Variants in METTL27 observed in about 807,000 individuals in gnomAD.
METTL27 encodes methyltransferase-like protein 27.
Under a neutral mutation model 24.5 loss-of-function variants are expected in METTL27, and 29 were observed. That is an observed-to-expected ratio of 1.18 (90% confidence interval 0.88 to 1.61). The LOEUF (loss-of-function observed/expected upper bound fraction) is 1.61, where lower values mean the gene tolerates loss of function less well. METTL27 is among the 40% of genes most tolerant of loss of function. The pLI is 0.00. For synonymous variants in METTL27, 138 were observed against 146.8 expected, an observed-to-expected ratio of 0.94 and a Z score of 0.43; for missense variants, 341 against 324.3, an observed-to-expected ratio of 1.05 and a Z score of -0.40.
rs201880566 is a variant in METTL27 at position 73,840,080 on chromosome 7, G to A, written c.429C>T (p.Asp143=). The part of the protein sequence containing the change: ...DAVLIVGALS[D]GQVPCNAIPE... ...GTATCGCATTGCAGGGCACCTGGCC[G>A]TCACTGAGGGCACCGACTATCAGCA... The change falls in exon 5 of 6, where the codon GAC becomes GAT. Residue 143 remains aspartate (D), a synonymous_variant. Coordinates refer to ENST00000297873, the MANE Select transcript of METTL27 (RefSeq NM_152559.3). The A allele has an allele frequency of 2.7e-5, 43 of 1,607,358 alleles. No homozygotes were observed. The highest frequency in any genetic ancestry group is 4.5e-5 in the East Asian group (2 of 44,256).
At chr7:73,841,635 G>C (rs1788359320) in intron 2 of METTL27, among the ~76,000 whole-genome samples, 1 of 152,054 alleles carries the variant, frequency 6.6e-6, no homozygotes, top group African/African-American at 2.4e-5. Context: ...CACCACGTGG[G>C]CCTGGCTAAT....
chr7:73,835,977 C>G (rs1788171323), intron 5 of METTL27, among the ~76,000 whole-genome samples: 1 of 133,046 alleles, frequency 7.5e-6, no homozygotes, highest in Non-Finnish European at 1.6e-5. Context: ...CTCCGCCTGG[C>G]AGCCGCCCCG....
chr7:73,841,344 A>C (rs1437741924), intron 2 of METTL27, 146 bp from the exon 3 acceptor site: 1 of 1,244,160 alleles, frequency 8.0e-7, no homozygotes, highest in East Asian at 3.1e-5. Context: ...ACGCCCAGGC[A>C]TGAGGTGCTT....
intron 5 of METTL27, among the ~76,000 whole-genome samples, chr7:73,837,310 A>AAT (rs1554635495): frequency 1.9e-4 from 14 of 75,594 alleles, no homozygotes; most frequent in African/African-American, 5.0e-4. Flanking sequence ...AATAAATTTA[A>AAT]AAAAAATAAA....
chr7:73,840,224 C>A, intron 4 of METTL27, 104 bp from the exon 5 acceptor site: 1 of 1,462,742 alleles, frequency 6.8e-7, no homozygotes, highest in South Asian at 1.3e-5. Context: ...AGGCTACTAC[C>A]CGCATCTGCA....
intron 2 of METTL27, 90 bp from the exon 3 acceptor site, chr7:73,841,288 G>A (rs1554636416): frequency 1.0e-5 from 15 of 1,485,574 alleles, no homozygotes; most frequent in African/African-American, 1.5e-5. Flanking sequence ...GCCAGGCTAA[G>A]CTGTGTGTGT....
At chr7:73,838,367 GGTAT>G (rs1240484636) in intron 5 of METTL27, among the ~76,000 whole-genome samples, 1 of 152,166 alleles carries the variant, frequency 6.6e-6, no homozygotes, top group Non-Finnish European at 1.5e-5. Context: ...CAGGAAGGCT[GGTAT>G]GTGTGTTTGA....
chr7:73,841,703 C>T (rs1004720937), intron 2 of METTL27, among the ~76,000 whole-genome samples: 1 of 152,138 alleles, frequency 6.6e-6, no homozygotes, highest in Admixed American at 6.5e-5. Flanking sequence ...GTCTCGAACT[C>T]CTGACCTCAG....
chr7:73,834,679 C>G lies in METTL27; in HGVS notation c.*64G>C, dbSNP rs974531817. 3 of 1,475,222 alleles carry G rather than the reference C, an allele frequency of 2.0e-6. No homozygotes were observed. The highest frequency in any genetic ancestry group is 3.9e-5 in the Admixed American group (2 of 51,648). The allele number at this position is 1,475,222 out of a possible 1,614,324, so 91.4% of individuals were successfully genotyped here. A position where few individuals can be genotyped will look rare whatever the true frequency, so the allele number is the denominator to read the frequency against. On this transcript the variant is annotated 3_prime_UTR_variant, in exon 6 of 6. Transcript: ENST00000297873. ...TTTTACAGGGGAGGCAGAGGAGGCC[C>G]AGCAGATGGGCCCAGCTAAGGCCAC... is the stretch of plus-strand genomic sequence containing the variant.
rs1554636573 is a variant in METTL27, at chr7:73,842,066, C to T, written c.75G>A (p.Leu25=). 1 of 1,614,052 alleles carries T rather than the reference C, an allele frequency of 6.2e-7. No individual in the cohort carries two copies. Among genetic ancestry groups the T allele is most frequent in the Non-Finnish European group, 8.5e-7 (1 of 1,179,966 alleles). ...GGTCATAGAAATGGAGCTTTTGGGCCAGGTCGGGGATGCCATGCGCGGCCC... is the reference window on the plus strand; with the variant it reads ...GGTCATAGAAATGGAGCTTTTGGGCTAGGTCGGGGATGCCATGCGCGGCCC... ...RVRAAHGIPD[L]AQKLHFYDRW... The change falls in exon 2 of 6, where the codon CTG becomes CTA. Residue 25 remains leucine, a synonymous_variant. Coordinates refer to ENST00000297873, the MANE Select transcript of METTL27 (RefSeq NM_152559.3).
At position 73,834,857 on chromosome 7, in the gene METTL27, C is replaced by A; in HGVS notation, c.624G>T (p.Gly208=). The change falls in exon 6 of 6, where the codon GGG becomes GGT. Residue 208 remains glycine (G), a synonymous_variant. Transcript: ENST00000297873. ...AWPVDRLWTA[G]SWLPPSWRWY... is the part of the protein sequence containing the mutation. ...ACCTCCAGCTCGGAGGTAGCCAGCT[C>A]CCAGCGGTCCACAGGCGGTCCACAG... The A allele has an allele frequency of 6.2e-7, 1 of 1,614,104 alleles. No homozygotes were observed. The highest frequency in any genetic ancestry group is 1.7e-5 in the Admixed American group (1 of 60,030).
Position 73,840,085 on chromosome 7 carries a change from T to C in METTL27, c.424A>G (p.Ser142Gly). Residue 142 changes from serine to glycine, a missense_variant, in exon 5 of 6, where the codon AGT becomes GGT. By Grantham distance (56) the Ser-to-Gly change is moderately conservative. Coordinates refer to ENST00000297873, the MANE Select transcript of METTL27 (RefSeq NM_152559.3). ...GCATTGCAGGGCACCTGGCCGTCAC[T>C]GAGGGCACCGACTATCAGCACCGCG... ...FDAVLIVGALSDGQVPCNAIP... is the reference protein window; with the variant it reads ...FDAVLIVGALGDGQVPCNAIP... 1 of 1,568,638 alleles carries C rather than the reference T, an allele frequency of 6.4e-7. No homozygotes were observed. The highest frequency in any genetic ancestry group is 8.6e-7 in the Non-Finnish European group (1 of 1,160,872).
chr7:73,839,277 T>C (rs6962545), intron 5 of METTL27, among the ~76,000 whole-genome samples: 3,579 of 152,234 alleles, frequency 0.024, 130 homozygotes, highest in African/African-American at 0.074. Context: ...AGCAAGACTC[T>C]GTCTCAAATT....
At chr7:73,839,867 G>T (rs1423740623) in intron 5 of METTL27, 164 bp downstream of exon 5, 1 of 600,018 alleles carries the variant, frequency 1.7e-6, no homozygotes, top group Non-Finnish European at 2.7e-6. Flanking sequence ...GTTTGCCTGG[G>T]TCTGCTGTTG....
At chr7:73,842,257 C>A in intron 1 of METTL27, 113 bp from the exon 2 acceptor site, 1 of 1,467,456 alleles carries the variant, frequency 6.8e-7, no homozygotes, top group Non-Finnish European at 9.0e-7. Flanking sequence ...GCCAGCGCGA[C>A]CCCTATCCCG....
chr7:73,838,562 G>A (rs1462135240), intron 5 of METTL27, among the ~76,000 whole-genome samples: 1 of 152,166 alleles, frequency 6.6e-6, no homozygotes, highest in Non-Finnish European at 1.5e-5. Flanking sequence ...GCTGATAGAA[G>A]GGAGCGCAGT....
chr7:73,836,710 C>T (rs1269830511), intron 5 of METTL27, among the ~76,000 whole-genome samples: 2 of 70,006 alleles, frequency 2.9e-5, no homozygotes, highest in East Asian at 3.8e-4. Context: ...AAGTGAGGGG[C>T]GCCTCTGCCC....
intron 5 of METTL27, among the ~76,000 whole-genome samples, chr7:73,835,595 T>C (rs1584334810): frequency 6.9e-6 from 1 of 144,492 alleles, no homozygotes; most frequent in Admixed American, 6.9e-5. Flanking sequence ...TGCCTTGGCC[T>C]CCCAAAGTGC....
chr7:73,840,996 TG>T, intron 3 of METTL27, 73 bp downstream of exon 3: 1 of 1,397,602 alleles, frequency 7.2e-7, no homozygotes, highest in South Asian at 1.7e-5. Context: ...GGCAGGGTTC[TG>T]GGGCCAGGGG....
Sources: gnomAD v4.1 joint callset for allele counts (sites outside exome capture counted in the v4.1 genomes callset) on GRCh38, gnomAD v4.1.1 for gene constraint, MANE v1.5 for transcripts, NCBI Gene and HGNC (gene_info 2026-07-23, HGNC 2026-07-21) for gene names.